Variants in CHN2 observed in about 807,000 individuals in gnomAD.
CHN2 encodes the protein beta-chimaerin.
In CHN2, 35 loss-of-function variants were observed where a neutral mutation model predicts 56.3. That is an observed-to-expected ratio of 0.62 (90% CI 0.47 to 0.82). The LOEUF is 0.82. Ranked by LOEUF, CHN2 falls within the 40% of genes least tolerant of loss-of-function variation. CHN2 has a pLI of 0.00. For synonymous variants in CHN2, 210 were observed against 212.8 expected (o/e 0.99, Z 0.12); for missense variants, 491 against 580.5 (o/e 0.85, Z 1.58).
intron 1 of CHN2, among the ~76,000 whole-genome samples, chr7:29,306,385 G>A (rs1030967325): frequency 3.9e-5 from 6 of 152,158 alleles, no homozygotes; most frequent in Non-Finnish European, 7.3e-5. Flanking sequence ...AAGGAGGAAC[G>A]CACTGATTGA....
chr7:29,464,696 A>G (rs1239177003), intron 6 of CHN2, among the ~76,000 whole-genome samples: 1 of 152,044 alleles, frequency 6.6e-6, no homozygotes, highest in Middle Eastern at 3.2e-3. Flanking sequence ...TGGCCAGGTG[A>G]CTCCTGAATG....
At chr7:29,314,848 A>G (rs1244149409) in intron 1 of CHN2, among the ~76,000 whole-genome samples, 1 of 151,348 alleles carries the variant, frequency 6.6e-6, no homozygotes, top group Non-Finnish European at 1.5e-5. Flanking sequence ...CTGTTTATTT[A>G]TGTTTAATTA....
chr7:29,306,365 A>C (rs1256195713), intron 1 of CHN2, among the ~76,000 whole-genome samples: 1 of 152,238 alleles, frequency 6.6e-6, no homozygotes, highest in Non-Finnish European at 1.5e-5. Context: ...TACTGGCATC[A>C]TGCAAAAGAA....
chr7:29,395,978 T>C lies in CHN2; in HGVS notation c.176+2268T>C, dbSNP rs566507066. Among the ~76,000 whole-genome samples the C allele has an allele frequency of 8.5e-5, 13 of 152,296 alleles. No individual in the cohort carries two copies. In the South Asian group the frequency reaches 2.1e-3, roughly 24 times the overall value. ...TGTTCCTAACATAAACAATAAATGC[T>C]TGAGGTGACAGGCATCCTGATTACC... On this transcript the variant is annotated intron_variant, in intron 4 of 12. Transcript: ENST00000222792.
At chr7:29,386,381 C>T (rs991987696) in intron 3 of CHN2, among the ~76,000 whole-genome samples, 5 of 152,256 alleles carry the variant, frequency 3.3e-5, no homozygotes, top group Middle Eastern at 6.8e-3. Flanking sequence ...TCAGAAAATC[C>T]GGCAATCTAG....
At chr7:29,507,813 T>C (rs910516280) in intron 11 of CHN2, among the ~76,000 whole-genome samples, 2 of 152,204 alleles carry the variant, frequency 1.3e-5, no homozygotes, top group Non-Finnish European at 2.9e-5. Flanking sequence ...TTAAATAATT[T>C]TTAAAATAAA....
intron 3 of CHN2, among the ~76,000 whole-genome samples, chr7:29,391,203 A>G (rs1272544862): frequency 2.0e-5 from 3 of 152,004 alleles, no homozygotes; most frequent in Admixed American, 2.0e-4. Flanking sequence ...GGCCAACCAC[A>G]TCCTCTATCT....
At chr7:29,358,612 G>T (rs529207359) in intron 2 of CHN2, among the ~76,000 whole-genome samples, 6 of 151,930 alleles carry the variant, frequency 3.9e-5, no homozygotes, top group Admixed American at 6.6e-5. Flanking sequence ...ACAGGCACCC[G>T]CCACTGCGCC....
At chr7:29,430,023 T>A (rs1486717837) in intron 6 of CHN2, among the ~76,000 whole-genome samples, 2 of 152,194 alleles carry the variant, frequency 1.3e-5, no homozygotes, top group Non-Finnish European at 2.9e-5. Context: ...TGCTCCCCTT[T>A]AGGAGGCCAT....
At chr7:29,310,019 T>A (rs1794469461) in intron 1 of CHN2, among the ~76,000 whole-genome samples, 1 of 152,236 alleles carries the variant, frequency 6.6e-6, no homozygotes, top group African/African-American at 2.4e-5. Flanking sequence ...GGCAGGCACA[T>A]GGCATTTCCT....
intron 6 of CHN2, among the ~76,000 whole-genome samples, chr7:29,433,454 A>T (rs1362204423): frequency 6.6e-6 from 1 of 152,224 alleles, no homozygotes; most frequent in East Asian, 1.9e-4. Context: ...TATTTAATGG[A>T]TATAGATTTT....
intron 2 of CHN2, among the ~76,000 whole-genome samples, chr7:29,149,904 C>T (rs1438513291): frequency 6.6e-6 from 1 of 152,198 alleles, no homozygotes; most frequent in Non-Finnish European, 1.5e-5. Context: ...AGGGTCCACT[C>T]TAATGACCTC....
At chr7:29,407,390 C>T (rs570796959) in intron 6 of CHN2, among the ~76,000 whole-genome samples, 2 of 151,976 alleles carry the variant, frequency 1.3e-5, no homozygotes, top group African/African-American at 4.8e-5. Context: ...TAGATTCAAA[C>T]ATAGTGTTAC....
chr7:29,254,258 A>G (rs1788882013), intron 1 of CHN2, among the ~76,000 whole-genome samples: 1 of 152,198 alleles, frequency 6.6e-6, no homozygotes, highest in Non-Finnish European at 1.5e-5. Flanking sequence ...TGTGTCTTAT[A>G]TGTGTACCAT....
In CHN2 at chr7:29,507,310, C is replaced by G. The variant is rs1469282249; in HGVS notation, c.1074C>G (p.Asp358Glu). 8.7e-6 allele frequency: 14 copies of G among 1,613,012 alleles called. No homozygotes were observed. The highest frequency in any genetic ancestry group is 1.2e-5 in the Non-Finnish European group (14 of 1,179,010). The change falls in exon 11 of 13, where the codon GAC (aspartate) becomes GAG (glutamate). Residue 358 changes from aspartate (D) to glutamate (E), a missense_variant. Asp to Glu is a conservative substitution (Grantham distance 45, BLOSUM62 2). Coordinates refer to ENST00000222792, the MANE Select transcript of CHN2 (RefSeq NM_004067.4). ...ITGALKLYFR[D>E]LPIPVITYDT... ...GAGCCCTTAAACTGTATTTCAGAGA[C>G]TTACCCATCCCTGTCATCACATATG...
intron 1 of CHN2, among the ~76,000 whole-genome samples, chr7:29,250,494 G>C (rs1288811592): frequency 6.6e-6 from 1 of 152,180 alleles, no homozygotes; most frequent in African/African-American, 2.4e-5. Flanking sequence ...AGAGGTGTCT[G>C]ATGTAGGAAG....
chr7:29,152,920 G>A (rs1793803646), intron 2 of CHN2, among the ~76,000 whole-genome samples: 1 of 152,194 alleles, frequency 6.6e-6, no homozygotes, highest in Non-Finnish European at 1.5e-5. Context: ...ATGTCCACAA[G>A]CTTGCTTCCA....
At chr7:29,436,792 C>A (rs1182702861) in intron 6 of CHN2, among the ~76,000 whole-genome samples, 1 of 152,112 alleles carries the variant, frequency 6.6e-6, no homozygotes, top group Admixed American at 6.5e-5. Flanking sequence ...TAAATAACTT[C>A]CAGTGTACAT....
chr7:29,239,610 T>G (rs1294946855), intron 1 of CHN2, among the ~76,000 whole-genome samples: 1 of 152,216 alleles, frequency 6.6e-6, no homozygotes, highest in Non-Finnish European at 1.5e-5. Context: ...CTCCCTACCT[T>G]GGCCTAAGTC....
Sources: allele counts gnomAD v4.1 joint callset (sites outside exome capture counted in the v4.1 genomes callset), GRCh38; gene constraint gnomAD v4.1.1; transcripts MANE v1.5; gene names NCBI Gene and HGNC (gene_info 2026-07-23, HGNC 2026-07-21).